Variants in DNAJC8 observed in about 807,000 individuals in gnomAD.
DNAJC8 encodes the protein DnaJ heat shock protein family (Hsp40) member C8, also known as dnaJ homolog subfamily C member 8.
In DNAJC8, 24 loss-of-function variants were observed where a neutral mutation model predicts 43.2. The ratio of observed to expected loss-of-function variants is 0.56; its 90% CI spans 0.40 to 0.78. The LOEUF is 0.78. Among genes scored for constraint, DNAJC8 ranks in the 30% least tolerant of loss-of-function variants. DNAJC8 has a pLI of 0.00. For synonymous variants in DNAJC8, 83 were observed against 98.0 expected, an observed-to-expected ratio of 0.85 and a Z score of 0.90; for missense variants, 207 against 299.4, an observed-to-expected ratio of 0.69 and a Z score of 2.28.
At position 28,228,985 on chromosome 1, in the gene DNAJC8, C is replaced by T. The variant is rs1646955956; in HGVS notation, c.117G>A (p.Ser39=). The part of the protein sequence containing the change: ...QIEKRDSVLT[S]KNQIERLTRP... Reference sequence around the variant, plus strand: ...GGGTCAGTCTTTCAATCTGATTTTTCGAAGTTAGAACCGAGTCTCTCTTCT... The same window carrying T: ...GGGTCAGTCTTTCAATCTGATTTTTTGAAGTTAGAACCGAGTCTCTCTTCT... The change falls in exon 2 of 9, where the codon TCG becomes TCA. Residue 39 remains serine (S), a synonymous_variant. Coordinates refer to ENST00000263697, the MANE Select transcript of DNAJC8 (RefSeq NM_014280.3). The T allele has an allele frequency of 1.1e-5, 17 of 1,613,764 alleles. No homozygotes were observed. Among genetic ancestry groups the T allele is most frequent in the Non-Finnish European group, 1.4e-5 (16 of 1,179,954 alleles).
intron 2 of DNAJC8, among the ~76,000 whole-genome samples, chr1:28,215,623 C>T (rs777198477): frequency 6.6e-6 from 1 of 151,118 alleles, no homozygotes; most frequent in Non-Finnish European, 1.5e-5. Context: ...CTGCAACCTC[C>T]ACCTCCGCGG....
chr1:28,231,687 GC>G (rs1300589698), intron 1 of DNAJC8, among the ~76,000 whole-genome samples: 1 of 151,558 alleles, frequency 6.6e-6, no homozygotes, highest in Non-Finnish European at 1.5e-5. Context: ...TGCACTCCAG[GC>G]CTGGGCAACA....
Position 28,201,294 on chromosome 1 carries a change from C to T in DNAJC8, c.716G>A (p.Arg239Gln), listed in dbSNP as rs187868657. ...TACTTTCGGTGGTCTCAGGAAGGTC[C>T]GATTTTTCTTCTCTTTCTTCCCCTT... ...NTKGKKEKKN[R>Q]TFLRPPKVKM... The change falls in exon 9 of 9, where the codon CGG becomes CAG. Residue 239 changes from arginine to glutamine, a missense_variant. Physicochemically the swap from Arg to Gln is conservative, Grantham distance 43. Around this residue, in one of 2 missense-constraint regions of DNAJC8, gnomAD observed 159 missense variants for 267.5 expected, o/e 0.59. Coordinates refer to ENST00000263697, the MANE Select transcript of DNAJC8 (RefSeq NM_014280.3). 6.2e-6 allele frequency: 10 copies of T among 1,612,514 alleles called. No individual in the cohort carries two copies. The highest frequency in any genetic ancestry group is 1.3e-5 in the African/African-American group (1 of 74,912).
At chr1:28,228,179 T>C (rs1646950015) in intron 2 of DNAJC8, among the ~76,000 whole-genome samples, 1 of 151,820 alleles carries the variant, frequency 6.6e-6, no homozygotes, top group Non-Finnish European at 1.5e-5. Flanking sequence ...TGAAACCCCA[T>C]CTCTACTAAG....
intron 3 of DNAJC8, among the ~76,000 whole-genome samples, chr1:28,212,203 ATATATAT>A (rs1480145042): frequency 1.7e-5 from 2 of 119,998 alleles, no homozygotes; most frequent in African/African-American, 3.4e-5. Context: ...ATATATATAT[ATATATAT>A]ATATAAATGA....
rs373740736 is a variant in DNAJC8 at position 28,203,807 on chromosome 1, T to C, written c.579A>G (p.Glu193=). 2.7e-5 allele frequency: 44 copies of C among 1,614,208 alleles called. No individual in the cohort carries two copies. The African/African-American group carries it at 5.7e-4, about 21-fold the overall frequency. ...KEMHERKRQR[E]EEIEAQEKAK... ...CTTTTTCTTGAGCTTCAATCTCTTC[T>C]TCCCTTTGTCGTTTCCTAGGAGGAA... Residue 193 remains glutamate (E), a synonymous_variant, in exon 8 of 9, where the codon GAA becomes GAG. Coordinates refer to ENST00000263697, the MANE Select transcript of DNAJC8 (RefSeq NM_014280.3).
chr1:28,213,097 G>A (rs1178465183), intron 3 of DNAJC8, among the ~76,000 whole-genome samples: 3 of 152,110 alleles, frequency 2.0e-5, no homozygotes, highest in Admixed American at 1.3e-4. Context: ...TTTTACAAAC[G>A]GGGTAACAGA....
At chr1:28,210,706 C>T (rs555942535) in intron 3 of DNAJC8, 69 bp from the exon 4 acceptor site, 21 of 1,286,492 alleles carry the variant, frequency 1.6e-5, no homozygotes, top group Non-Finnish European at 1.9e-5. Context: ...TGCCCTGTCT[C>T]GTTACAACCA....
intron 6 of DNAJC8, among the ~76,000 whole-genome samples, chr1:28,205,832 G>A (rs1231648493): frequency 7.2e-5 from 11 of 152,216 alleles, no homozygotes; most frequent in Non-Finnish European, 1.3e-4. Context: ...AGGTTGCAGG[G>A]AGCTGAGATC....
At chr1:28,202,007 T>C (rs1052450227) in intron 8 of DNAJC8, among the ~76,000 whole-genome samples, 5 of 151,628 alleles carry the variant, frequency 3.3e-5, no homozygotes, top group Admixed American at 6.6e-5. Flanking sequence ...GGAGAATCAC[T>C]TGAACCTGGG....
intron 2 of DNAJC8, among the ~76,000 whole-genome samples, chr1:28,215,841 G>A (rs971111814): frequency 3.3e-5 from 5 of 149,516 alleles, no homozygotes; most frequent in Non-Finnish European, 7.4e-5. Flanking sequence ...CCAGCCTTAA[G>A]CAACACTTCT....
At chr1:28,216,238 A>T (rs1172861009) in intron 2 of DNAJC8, among the ~76,000 whole-genome samples, 21 of 152,158 alleles carry the variant, frequency 1.4e-4, no homozygotes, top group Non-Finnish European at 2.9e-4. Context: ...AGAATTTTCA[A>T]GTCAGTGCGC....
intron 2 of DNAJC8, 41 bp downstream of exon 2, chr1:28,228,881 C>G (rs1276399801): frequency 6.6e-7 from 1 of 1,520,692 alleles, no homozygotes; most frequent in South Asian, 1.1e-5. Flanking sequence ...CTATGCAAAT[C>G]TCCCCCATTA....
At chr1:28,218,503 A>T (rs1646876446) in intron 2 of DNAJC8, among the ~76,000 whole-genome samples, 1 of 151,890 alleles carries the variant, frequency 6.6e-6, no homozygotes, top group Admixed American at 6.6e-5. Flanking sequence ...TGCAGCCTCG[A>T]GCTCTGGGGC....
intron 4 of DNAJC8, 171 bp downstream of exon 4, chr1:28,210,400 T>C (rs1646802846): frequency 4.9e-6 from 3 of 615,040 alleles, no homozygotes; most frequent in South Asian, 4.4e-5. Context: ...TAAGGTCTAC[T>C]TCTTAAACAA....
intron 6 of DNAJC8, 77 bp downstream of exon 6, chr1:28,208,265 G>T: frequency 9.9e-7 from 1 of 1,012,400 alleles, no homozygotes; most frequent in Non-Finnish European, 1.5e-6. Flanking sequence ...TCATTCTTTT[G>T]GCTTCTGTCT....
chr1:28,219,274 G>A (rs1456032217), intron 2 of DNAJC8, among the ~76,000 whole-genome samples: 7 of 151,082 alleles, frequency 4.6e-5, no homozygotes, highest in South Asian at 2.1e-4. Flanking sequence ...TTTGGGAGGC[G>A]GAGGCAGACA....
At chr1:28,227,704 A>G (rs1646946428) in intron 2 of DNAJC8, among the ~76,000 whole-genome samples, 1 of 152,156 alleles carries the variant, frequency 6.6e-6, no homozygotes, top group Non-Finnish European at 1.5e-5. Flanking sequence ...TAAGCCCACG[A>G]GTTCTAAGCC....
In DNAJC8 at chr1:28,232,937, A is replaced by T. The variant is rs1363315476; in HGVS notation, c.62T>A (p.Met21Lys). The change falls in exon 1 of 9, where the codon ATG becomes AAG. Residue 21 changes from methionine (M) to lysine (K), a missense_variant. Physicochemically the swap from Met to Lys is moderately conservative, Grantham distance 95. This residue lies in a region of DNAJC8 where 48 missense variants were observed against 31.9 expected (regional missense o/e 1.50). Transcript: ENST00000263697. ...GGGGSTEEAF[M>K]TFYSEVKQIE... The stretch of plus-strand genomic sequence containing the variant: ...TGTGTTCACCTCACTGTAGAAGGTC[A>T]TAAATGCTTCCTCGGTGCTGCCTCC... 6.2e-7 allele frequency: 1 copy of T among 1,613,356 alleles called. No homozygotes were observed. The highest frequency in any genetic ancestry group is 2.2e-5 in the East Asian group (1 of 44,878).
Sources: gnomAD v4.1 joint callset for allele counts (sites outside exome capture counted in the v4.1 genomes callset) on GRCh38, gnomAD v4.1.1 for gene constraint, gnomAD v4.1.1 regional missense constraint, MANE v1.5 for transcripts, NCBI Gene and HGNC (gene_info 2026-07-23, HGNC 2026-07-21) for gene names.